The following CNTN4 variants were observed in gnomAD, a reference collection of about 807,000 sequenced individuals.
The protein encoded by CNTN4 is contactin 4.
In CNTN4, 77 loss-of-function variants were observed where a neutral mutation model predicts 122.5. That is an observed-to-expected ratio of 0.63 (90% CI 0.52 to 0.76). CNTN4 has a LOEUF of 0.76. Ranked by LOEUF, CNTN4 falls within the 30% of genes least tolerant of loss-of-function variation. CNTN4 has a pLI of 0.00. For missense variants in CNTN4, 1,256 were observed against 1,259.1 expected (o/e 1.00, Z 0.04); for synonymous variants, 512 against 447.0 (o/e 1.15, Z -1.83).
intron 2 of CNTN4, among the ~76,000 whole-genome samples, chr3:2,268,203 A>T (rs868211618): frequency 6.6e-6 from 1 of 152,128 alleles, no homozygotes; most frequent in South Asian, 2.1e-4. Flanking sequence ...AGACTAAGAG[A>T]ACATTAGTCA....
In CNTN4 at chr3:2,733,957, G is replaced by A. The variant is rs190859089; in HGVS notation, c.56-2258G>A. Among the ~76,000 whole-genome samples the A allele has an allele frequency of 2.5e-3, 383 of 152,310 alleles. 2 individuals are homozygous for A. The highest frequency in any genetic ancestry group is 4.4e-3 in the Non-Finnish European group (302 of 68,026). Reference sequence around the variant, plus strand: ...AATGGAGTAAGGAGAGACAGTGGTAGTGGTGATATGATTCATGACATCTTT... The same window carrying A: ...AATGGAGTAAGGAGAGACAGTGGTAATGGTGATATGATTCATGACATCTTT... On this transcript the variant is annotated intron_variant, in intron 4 of 24. Transcript: ENST00000418658.
intron 7 of CNTN4, among the ~76,000 whole-genome samples, chr3:2,836,518 A>C (rs907639259): frequency 7.2e-5 from 11 of 152,116 alleles, no homozygotes; most frequent in Non-Finnish European, 1.6e-4. Flanking sequence ...AACCTGATTT[A>C]GGTGTTATGT....
chr3:2,732,771 A>G (rs1237545767), intron 4 of CNTN4, among the ~76,000 whole-genome samples: 1 of 152,174 alleles, frequency 6.6e-6, no homozygotes, highest in Non-Finnish European at 1.5e-5. Context: ...TTTAAAAGCT[A>G]GGATATCTGG....
At chr3:2,814,148 G>GA (rs1165483808) in intron 6 of CNTN4, among the ~76,000 whole-genome samples, 1 of 152,098 alleles carries the variant, frequency 6.6e-6, no homozygotes, top group Admixed American at 6.5e-5. Flanking sequence ...ATGGCTGTTG[G>GA]AAAAAGTTAT....
intron 4 of CNTN4, among the ~76,000 whole-genome samples, chr3:2,637,251 T>G (rs947767451): frequency 6.6e-6 from 1 of 152,172 alleles, no homozygotes; most frequent in Non-Finnish European, 1.5e-5. Flanking sequence ...CTCCATTTTC[T>G]TTACATACAC....
At chr3:2,560,451 T>G (rs914325010) in intron 3 of CNTN4, among the ~76,000 whole-genome samples, 1 of 152,192 alleles carries the variant, frequency 6.6e-6, no homozygotes, top group East Asian at 1.9e-4. Flanking sequence ...CCACTCCACT[T>G]ATTTTAAGAG....
chr3:2,738,690 A>C (rs2089282707), intron 5 of CNTN4, among the ~76,000 whole-genome samples: 2 of 152,196 alleles, frequency 1.3e-5, no homozygotes, highest in African/African-American at 4.8e-5. Flanking sequence ...AAGATGTACT[A>C]GACAATGGAT....
intron 3 of CNTN4, among the ~76,000 whole-genome samples, chr3:2,471,237 C>A (rs575286431): frequency 6.6e-6 from 1 of 152,276 alleles, no homozygotes; most frequent in African/African-American, 2.4e-5. Flanking sequence ...GAGCTACAAG[C>A]TTTTATTGAC....
At chr3:2,890,173 T>C (rs1434309575) in intron 10 of CNTN4, among the ~76,000 whole-genome samples, 1 of 152,242 alleles carries the variant, frequency 6.6e-6, no homozygotes, top group African/African-American at 2.4e-5. Context: ...TTTTTCCTCA[T>C]CTAGCACATC....
intron 7 of CNTN4, among the ~76,000 whole-genome samples, chr3:2,862,941 A>G (rs1371661781): frequency 1.3e-5 from 2 of 152,210 alleles, no homozygotes; most frequent in South Asian, 2.1e-4. Context: ...ACTTTGTCCT[A>G]GATGGGACAC....
Position 2,561,029 on chromosome 3 carries a change from C to T in CNTN4, c.-88-10387C>T, listed in dbSNP as rs540745304. Among the ~76,000 whole-genome samples the T allele has an allele frequency of 2.0e-4, 31 of 152,302 alleles. 1 individual carries two copies. The South Asian group carries it at 6.2e-3, about 31-fold the overall frequency. On this transcript the variant is annotated intron_variant, in intron 3 of 24. Transcript: ENST00000418658. Reference sequence around the variant, plus strand: ...CTGATGTGGCTGTCCGAGCAATCAGCAAGCTGTGCGTAATGATGGACATAC... The same window carrying T: ...CTGATGTGGCTGTCCGAGCAATCAGTAAGCTGTGCGTAATGATGGACATAC...
At chr3:2,915,923 A>G (rs1480531183) in intron 12 of CNTN4, among the ~76,000 whole-genome samples, 1 of 152,240 alleles carries the variant, frequency 6.6e-6, no homozygotes, top group Admixed American at 6.5e-5. Flanking sequence ...GAAACGAGCC[A>G]GTCACAAAAA....
At chr3:2,661,838 G>T (rs2083913756) in intron 4 of CNTN4, among the ~76,000 whole-genome samples, 1 of 146,534 alleles carries the variant, frequency 6.8e-6, no homozygotes, top group African/African-American at 2.5e-5. Context: ...AAAAAATCCT[G>T]CATCATCCTG....
chr3:2,460,845 T>A (rs1427858536), intron 3 of CNTN4, among the ~76,000 whole-genome samples: 1 of 152,212 alleles, frequency 6.6e-6, no homozygotes, highest in Non-Finnish European at 1.5e-5. Flanking sequence ...CTACTGTGTG[T>A]GTGGTGCCAT....
intron 13 of CNTN4, among the ~76,000 whole-genome samples, chr3:2,929,771 C>T (rs2094504047): frequency 6.6e-6 from 1 of 152,218 alleles, no homozygotes; most frequent in Admixed American, 6.5e-5. Flanking sequence ...AGACGTGAGT[C>T]ATGTGCTTAT....
intron 23 of CNTN4, among the ~76,000 whole-genome samples, chr3:3,051,185 C>T (rs1011859925): frequency 6.6e-6 from 1 of 152,190 alleles, no homozygotes; most frequent in Non-Finnish European, 1.5e-5. Context: ...TTAGAACACA[C>T]AGTGTTCAGA....
intron 14 of CNTN4, among the ~76,000 whole-genome samples, chr3:3,009,875 T>A (rs376594650): frequency 6.6e-6 from 1 of 151,432 alleles, no homozygotes; most frequent in East Asian, 1.9e-4. Flanking sequence ...ATGAAGTTCA[T>A]TGACTAAGAA....
At chr3:2,614,317 G>T (rs571347153) in intron 4 of CNTN4, among the ~76,000 whole-genome samples, 41 of 152,250 alleles carry the variant, frequency 2.7e-4, no homozygotes, top group African/African-American at 9.4e-4. Flanking sequence ...AGAGGTATGC[G>T]AAGACTAGAT....
At chr3:2,141,669 C>CT (rs1258689759) in intron 2 of CNTN4, among the ~76,000 whole-genome samples, 2 of 152,126 alleles carry the variant, frequency 1.3e-5, no homozygotes, top group African/African-American at 4.8e-5. Context: ...TGAGATTAAT[C>CT]TTTAACTCAT....
Sources: gnomAD v4.1 joint callset for allele counts (sites outside exome capture counted in the v4.1 genomes callset) on GRCh38, gnomAD v4.1.1 for gene constraint, MANE v1.5 for transcripts, NCBI Gene and HGNC (gene_info 2026-07-23, HGNC 2026-07-21) for gene names.